The following PXDNL variants were observed in gnomAD, a reference collection of about 807,000 sequenced individuals.
PXDNL encodes the protein peroxidasin like, also known as probable oxidoreductase PXDNL.
PXDNL carries 145 observed loss-of-function variants against 150.8 expected under a neutral mutation model. The observed-to-expected ratio is 0.96, with a 90% CI of 0.84 to 1.10. PXDNL has a LOEUF of 1.10. PXDNL is among the 50% of genes least tolerant of loss of function. The probability of loss-of-function intolerance (pLI) is 0.00; values close to 1 mark genes in which losing one functional copy is unlikely to be tolerated. For missense variants in PXDNL, 2,087 were observed against 1,873.9 expected, an observed-to-expected ratio of 1.11 and a Z score of -2.10; for synonymous variants, 757 against 725.7, an observed-to-expected ratio of 1.04 and a Z score of -0.69.
chr8:51,382,747 G>A (rs542648630), intron 17 of PXDNL, among the ~76,000 whole-genome samples: 2 of 152,170 alleles, frequency 1.3e-5, no homozygotes, highest in East Asian at 3.9e-4. Flanking sequence ...AAATTATGCA[G>A]AATATGAGAA....
intron 4 of PXDNL, among the ~76,000 whole-genome samples, chr8:51,547,915 G>C (rs184740980): frequency 1.6e-3 from 248 of 152,214 alleles, no homozygotes; most frequent in African/African-American, 5.3e-3. Context: ...TCAGAGAAAG[G>C]TGAAGAAGAT....
intron 20 of PXDNL, among the ~76,000 whole-genome samples, chr8:51,344,869 T>A (rs751033720): frequency 1.3e-5 from 2 of 152,192 alleles, no homozygotes; most frequent in Non-Finnish European, 2.9e-5. Flanking sequence ...ATAACATGCA[T>A]AGTTATGAAG....
intron 1 of PXDNL, among the ~76,000 whole-genome samples, chr8:51,783,796 A>T (rs1272569937): frequency 1.3e-5 from 2 of 152,220 alleles, no homozygotes; most frequent in Non-Finnish European, 2.9e-5. Context: ...CTACCACAGC[A>T]TCCCCACAAA....
chr8:51,512,970 A>G (rs1811455259), intron 4 of PXDNL, among the ~76,000 whole-genome samples: 1 of 152,126 alleles, frequency 6.6e-6, no homozygotes, highest in Admixed American at 6.5e-5. Flanking sequence ...TTCTGTTCCA[A>G]TTATAAGGCA....
At chr8:51,549,559 T>C (rs1189673809) in intron 4 of PXDNL, among the ~76,000 whole-genome samples, 1 of 151,978 alleles carries the variant, frequency 6.6e-6, no homozygotes, top group Non-Finnish European at 1.5e-5. Flanking sequence ...ACATGGAAAT[T>C]TAAAAATCTG....
chr8:51,732,043 A>G (rs1272148833), intron 1 of PXDNL, among the ~76,000 whole-genome samples: 1 of 152,210 alleles, frequency 6.6e-6, no homozygotes, highest in Non-Finnish European at 1.5e-5. Context: ...GCTTGAATTT[A>G]TCCTCAGAAA....
At chr8:51,725,712 A>G (rs1247894834) in intron 1 of PXDNL, among the ~76,000 whole-genome samples, 2 of 152,228 alleles carry the variant, frequency 1.3e-5, no homozygotes, top group African/African-American at 2.4e-5. Context: ...CAGTGGGAAC[A>G]ACTAAAGAAC....
At chr8:51,363,377 C>T (rs753029835) in intron 19 of PXDNL, among the ~76,000 whole-genome samples, 50 of 152,002 alleles carry the variant, frequency 3.3e-4, no homozygotes, top group Non-Finnish European at 4.7e-4. Context: ...TTTATTCAGC[C>T]GGGAGGTTTC....
chr8:51,678,968 G>GTT (rs1815687809), intron 1 of PXDNL, among the ~76,000 whole-genome samples: 1 of 152,166 alleles, frequency 6.6e-6, no homozygotes, highest in Non-Finnish European at 1.5e-5. Context: ...GCCTGACGTT[G>GTT]TTCTAAGTTC....
At chr8:51,700,044 G>T (rs1816219816) in intron 1 of PXDNL, among the ~76,000 whole-genome samples, 2 of 152,124 alleles carry the variant, frequency 1.3e-5, no homozygotes, top group Non-Finnish European at 2.9e-5. Flanking sequence ...AGCACATGCT[G>T]TTAAGAAAAC....
Position 51,804,641 on chromosome 8 carries a change from C to T in PXDNL, c.164+4540G>A, listed in dbSNP as rs114043430. Among the ~76,000 whole-genome samples the T allele has an allele frequency of 4.9e-3, 749 of 152,258 alleles. 7 individuals are homozygous for T. Among genetic ancestry groups the T allele is most frequent in the African/African-American group, 0.017 (715 of 41,540 alleles). ...ACCACAGCTTTGCTGCCTCAGGTTGCGGCTACTCCCCACAAAGCTACTATT... is the reference window on the plus strand; with the variant it reads ...ACCACAGCTTTGCTGCCTCAGGTTGTGGCTACTCCCCACAAAGCTACTATT... On this transcript the variant is annotated intron_variant, in intron 1 of 22. Coordinates refer to ENST00000356297, the MANE Select transcript of PXDNL (RefSeq NM_144651.5).
intron 21 of PXDNL, among the ~76,000 whole-genome samples, chr8:51,332,949 C>A (rs1805732148): frequency 6.6e-6 from 1 of 152,112 alleles, no homozygotes. Context: ...CCCAGCCTTG[C>A]CAGAGACCTA....
intron 4 of PXDNL, among the ~76,000 whole-genome samples, chr8:51,542,495 TA>T (rs34691012): frequency 0.3 from 41,249 of 136,426 alleles, 6,185 homozygotes; most frequent in Admixed American, 0.38. Flanking sequence ...AATGCCCTTA[TA>T]AAAAAAAAAA....
chr8:51,545,597 A>G (rs1812342065), intron 4 of PXDNL, among the ~76,000 whole-genome samples: 1 of 152,142 alleles, frequency 6.6e-6, no homozygotes, highest in African/African-American at 2.4e-5. Context: ...ATGTCATCCC[A>G]TGGCAGAAAG....
At chr8:51,580,020 A>T (rs1585595489) in intron 3 of PXDNL, among the ~76,000 whole-genome samples, 1 of 129,356 alleles carries the variant, frequency 7.7e-6, no homozygotes, top group Non-Finnish European at 1.6e-5. Context: ...ATAAAATTAA[A>T]TAAATAAATA....
intron 1 of PXDNL, among the ~76,000 whole-genome samples, chr8:51,679,534 C>T (rs1006355173): frequency 6.6e-6 from 1 of 152,210 alleles, no homozygotes; most frequent in Admixed American, 6.5e-5. Flanking sequence ...GCGACTGACA[C>T]ATCATGCTCA....
intron 2 of PXDNL, among the ~76,000 whole-genome samples, chr8:51,650,974 G>A (rs1205471483): frequency 1.3e-5 from 2 of 152,148 alleles, no homozygotes; most frequent in African/African-American, 4.8e-5. Flanking sequence ...GGACATGATT[G>A]TGTAATTACA....
chr8:51,344,047 T>C (rs1806070767), intron 20 of PXDNL, among the ~76,000 whole-genome samples: 1 of 152,200 alleles, frequency 6.6e-6, no homozygotes, highest in South Asian at 2.1e-4. Context: ...AAGAATGTTC[T>C]TCATTCCTAG....
At position 51,447,028 on chromosome 8, in the gene PXDNL, C is replaced by G. The variant is rs1256426935; in HGVS notation, c.1501G>C (p.Val501Leu). 8 of 1,613,918 alleles carry G rather than the reference C, an allele frequency of 5.0e-6. No individual in the cohort carries two copies. The Admixed American group carries it at 1.0e-4, about 20-fold the overall frequency. Residue 501 changes from valine to leucine, a missense_variant, in exon 12 of 23, where the codon GTG becomes CTG. Coordinates refer to ENST00000356297, the MANE Select transcript of PXDNL (RefSeq NM_144651.5). ...CCTTTGGGTTTTACAGTCAGCTGCA[C>G]AGACACCTTTTTCACCCCCAACGAA... ...VSSLGVKKVS[V>L]QLTVKPKALA... is the part of the protein sequence containing the mutation.
Sources: gnomAD v4.1 joint callset for allele counts (sites outside exome capture counted in the v4.1 genomes callset) on GRCh38, gnomAD v4.1.1 for gene constraint, MANE v1.5 for transcripts, NCBI Gene and HGNC (gene_info 2026-07-23, HGNC 2026-07-21) for gene names.